The following CACNB3 variants were observed in gnomAD, a reference collection of about 807,000 sequenced individuals.
The protein encoded by CACNB3 is voltage-dependent L-type calcium channel subunit beta-3.
Under a neutral mutation model 63.7 loss-of-function variants are expected in CACNB3, and 36 were observed. The ratio of observed to expected loss-of-function variants is 0.57; its 90% CI spans 0.43 to 0.75. The LOEUF is 0.75. Among genes scored for constraint, CACNB3 ranks in the 30% least tolerant of loss-of-function variants. CACNB3 has a pLI of 0.00. For missense variants in CACNB3, 493 were observed against 648.6 expected, an observed-to-expected ratio of 0.76 and a Z score of 2.61; for synonymous variants, 241 against 250.6, an observed-to-expected ratio of 0.96 and a Z score of 0.36.
chr12:48,818,575 C>T lies in CACNB3; in HGVS notation c.-355C>T. The T allele has an allele frequency of 9.3e-7, 1 of 1,074,562 alleles. No individual in the cohort carries two copies. The highest frequency in any genetic ancestry group is 1.1e-6 in the Non-Finnish European group (1 of 888,028). 66.6% of individuals were successfully genotyped at this position (1,074,562 alleles called of 1,614,324 possible). On this transcript the variant is annotated 5_prime_UTR_variant, in exon 1 of 13. Coordinates refer to ENST00000301050, the MANE Select transcript of CACNB3 (RefSeq NM_000725.4). The surrounding 1 kb of genome is among the most constrained non-coding windows in gnomAD (Gnocchi z 4.3). ...CTAGCACGGGTTCGTTCCCCTCTCC[C>T]GGCCTGGCCCGGGCTCCCCGGTGGC...
chr12:48,826,658 C>A lies in CACNB3; in HGVS notation c.895-101C>A. 7.1e-7 allele frequency: 1 copy of A among 1,402,086 alleles called. No homozygotes were observed. The highest frequency in any genetic ancestry group is 1.0e-6 in the Non-Finnish European group (1 of 992,152). 86.9% of individuals were successfully genotyped at this position (1,402,086 alleles called of 1,614,324 possible). ...CACAACTCTGAGTCATCCTCACCTG[C>A]TACTGATGCCACAAGTGGAAGAAAT... On this transcript the variant is annotated intron_variant, in intron 10 of 12. Coordinates refer to ENST00000301050, the MANE Select transcript of CACNB3 (RefSeq NM_000725.4). This position sits in a 1 kb window ranked among gnomAD's most constrained non-coding sequence, Gnocchi z 4.8.
In CACNB3 at chr12:48,818,829, G is replaced by A. The variant is rs968621472; in HGVS notation, c.-101G>A. ...CCCTGCCGCCGCCCGCAGGGCTGCG[G>A]GGCTCGGTGGCATCTCCCGGGCGCG... On this transcript the variant is annotated 5_prime_UTR_variant, in exon 1 of 13. Transcript: ENST00000301050. The surrounding 1 kb of genome is among the most constrained non-coding windows in gnomAD (Gnocchi z 4.3). 19 of 1,401,718 alleles carry A rather than the reference G, an allele frequency of 1.4e-5. No homozygotes were observed. Among genetic ancestry groups the A allele is most frequent in the Admixed American group, 3.6e-5 (1 of 27,778 alleles). The allele number at this position is 1,401,718 out of a possible 1,614,324, so 86.8% of individuals were successfully genotyped here.
intron 3 of CACNB3, 135 bp from the exon 4 acceptor site, chr12:48,824,123 C>T: frequency 1.3e-6 from 1 of 788,402 alleles, no homozygotes; most frequent in South Asian, 1.8e-5. Context: ...CCCCTGGCCC[C>T]TTCTGCCCAC....
chr12:48,824,807 AG>A (rs1329486516), intron 5 of CACNB3, 74 bp downstream of exon 5: 1 of 1,550,762 alleles, frequency 6.4e-7, no homozygotes, highest in Non-Finnish European at 8.9e-7. Context: ...ATCCTGCCCA[AG>A]TGAACTGTGT....
chr12:48,825,560 G>A lies in CACNB3; in HGVS notation c.632+68G>A. Reference sequence around the variant, plus strand: ...GCTCATGGCCTACTTCCAGATGCCTGTAGCTAGTCTTCTCTAAGGGAAGAG... The same window carrying A: ...GCTCATGGCCTACTTCCAGATGCCTATAGCTAGTCTTCTCTAAGGGAAGAG... On this transcript the variant is annotated intron_variant, in intron 8 of 12. Coordinates refer to ENST00000301050, the MANE Select transcript of CACNB3 (RefSeq NM_000725.4). This position sits in a 1 kb window ranked among gnomAD's most constrained non-coding sequence, Gnocchi z 4.5. 3.1e-6 allele frequency: 5 copies of A among 1,589,170 alleles called. No homozygotes were observed. The highest frequency in any genetic ancestry group is 4.3e-6 in the Non-Finnish European group (5 of 1,157,466).
At chr12:48,820,953 C>T (rs1402686854) in intron 1 of CACNB3, 4 of 152,042 alleles carry the variant, frequency 2.6e-5, no homozygotes, top group East Asian at 1.9e-4. Flanking sequence ...TTTGGGTGGC[C>T]GAGGTAGATC....
At chr12:48,815,401 G>T, upstream of CACNB3, 1 of 559,042 alleles carries the variant, frequency 1.8e-6, no homozygotes. Context: ...AACAGAACGA[G>T]GACCTTAGAC....
Sources: gnomAD v4.1 joint callset for allele counts on GRCh38, gnomAD v4.1.1 for gene constraint, Gnocchi (gnomAD v3.1) non-coding constraint, MANE v1.5 for transcripts, NCBI Gene and HGNC (gene_info 2026-07-23, HGNC 2026-07-21) for gene names.